The following TRPC1 variants were observed in gnomAD, a reference collection of about 807,000 sequenced individuals.
TRPC1 encodes short transient receptor potential channel 1.
A neutral mutation model predicts 88.2 loss-of-function variants in TRPC1; 42 were observed. The ratio of observed to expected loss-of-function variants is 0.48; its 90% CI spans 0.37 to 0.62. The LOEUF (loss-of-function observed/expected upper bound fraction) is 0.62. Ranked by LOEUF, TRPC1 falls within the 20% of genes least tolerant of loss-of-function variation. The pLI, the probability that TRPC1 is intolerant of heterozygous loss-of-function variation, is 0.00. For synonymous variants in TRPC1, 288 were observed against 331.8 expected, an observed-to-expected ratio of 0.87 and a Z score of 1.43; for missense variants, 699 against 957.3, an observed-to-expected ratio of 0.73 and a Z score of 3.56.
At chr3:142,793,923 G>A in intron 9 of TRPC1, 3 of 984,416 alleles carry the variant, frequency 3.0e-6, no homozygotes, top group Non-Finnish European at 3.6e-6. Flanking sequence ...CTGAAGTGTG[G>A]CTCTCTTAAC....
intron 1 of TRPC1, among the ~76,000 whole-genome samples, chr3:142,731,739 G>A (rs1933927572): frequency 6.6e-6 from 1 of 152,112 alleles, no homozygotes; most frequent in African/African-American, 2.4e-5. Flanking sequence ...GTGGATTGAA[G>A]GGGTGGGGCT....
chr3:142,735,625 T>C (rs1404579215), intron 1 of TRPC1, among the ~76,000 whole-genome samples: 2 of 152,196 alleles, frequency 1.3e-5, no homozygotes, highest in Non-Finnish European at 2.9e-5. Flanking sequence ...TTTCCTCACA[T>C]GGGACAACTG....
chr3:142,762,657 G>C (rs1408917194), intron 4 of TRPC1, among the ~76,000 whole-genome samples: 1 of 151,330 alleles, frequency 6.6e-6, no homozygotes. Flanking sequence ...TCAAACTCCT[G>C]ACCTCAAGTG....
chr3:142,804,693 T>C, intron 12 of TRPC1, 63 bp downstream of exon 12: 1 of 1,484,738 alleles, frequency 6.7e-7, no homozygotes, highest in Non-Finnish European at 9.1e-7. Flanking sequence ...CTCAGATATT[T>C]CTTAAAGCGT....
At chr3:142,746,834 GGCGAA>G in intron 3 of TRPC1, among the ~76,000 whole-genome samples, 1 of 152,062 alleles carries the variant, frequency 6.6e-6, no homozygotes, top group Admixed American at 6.5e-5. Flanking sequence ...CTCCAGCCTG[GGCGAA>G]AGAGCGAGAC....
chr3:142,800,495 C>T (rs1936585989), intron 9 of TRPC1, among the ~76,000 whole-genome samples: 1 of 152,018 alleles, frequency 6.6e-6, no homozygotes, highest in African/African-American at 2.4e-5. Flanking sequence ...TCACTGAAAG[C>T]GGGATGTGCT....
intron 4 of TRPC1, among the ~76,000 whole-genome samples, chr3:142,748,857 CT>C (rs1934649786): frequency 6.6e-6 from 1 of 152,192 alleles, no homozygotes; most frequent in Non-Finnish European, 1.5e-5. Flanking sequence ...ATGCCTCTAT[CT>C]TCCCCTCTCA....
chr3:142,793,486 C>A (rs1936358473), intron 9 of TRPC1, among the ~76,000 whole-genome samples: 1 of 151,888 alleles, frequency 6.6e-6, no homozygotes, highest in South Asian at 2.1e-4. Context: ...CTATGTAGTT[C>A]AGCTTTATAT....
At chr3:142,757,018 C>T (rs1934994643) in intron 4 of TRPC1, among the ~76,000 whole-genome samples, 1 of 152,062 alleles carries the variant, frequency 6.6e-6, no homozygotes, top group African/African-American at 2.4e-5. Flanking sequence ...GCATAATGGC[C>T]TCAGGTTCCA....
chr3:142,777,633 T>C lies in TRPC1; in HGVS notation c.634T>C (p.Phe212Leu). 6.3e-7 allele frequency: 1 copy of C among 1,576,362 alleles called. No homozygotes were observed. Among genetic ancestry groups the C allele is most frequent in the Non-Finnish European group, 8.6e-7 (1 of 1,160,178 alleles). Residue 212 changes from phenylalanine (F) to leucine (L), a missense_variant and splice_region_variant, in exon 5 of 13, where the codon TTT (phenylalanine) becomes CTT (leucine). Around this residue, in one of 4 missense-constraint regions of TRPC1, gnomAD observed 426 missense variants for 641.3 expected, o/e 0.66. Coordinates refer to ENST00000476941, the MANE Select transcript of TRPC1 (RefSeq NM_001251845.2). ...NKKDSLRHSRFRLDIYRCLAS... is the reference protein window; with the variant it reads ...NKKDSLRHSRLRLDIYRCLAS... Reference sequence around the variant, plus strand: ...TTATGGAATCCAATTTTATCACAGGTTTCGTCTTGATATATATCGATGTTT... The same window carrying C: ...TTATGGAATCCAATTTTATCACAGGCTTCGTCTTGATATATATCGATGTTT...
At chr3:142,727,214 G>A (rs1933715497) in intron 1 of TRPC1, among the ~76,000 whole-genome samples, 1 of 152,170 alleles carries the variant, frequency 6.6e-6, no homozygotes, top group Non-Finnish European at 1.5e-5. Context: ...AGCAAGCATG[G>A]TACTTCAGTA....
At chr3:142,725,885 A>G (rs1933653021) in intron 1 of TRPC1, among the ~76,000 whole-genome samples, 1 of 152,214 alleles carries the variant, frequency 6.6e-6, no homozygotes, top group African/African-American at 2.4e-5. Context: ...CAATTGACAT[A>G]TAAACAAAGT....
chr3:142,789,772 G>A (rs897936051), intron 7 of TRPC1, among the ~76,000 whole-genome samples: 2 of 152,096 alleles, frequency 1.3e-5, no homozygotes, highest in Admixed American at 1.3e-4. Context: ...GCCAAAAAAC[G>A]GAAAGTTTTT....
intron 10 of TRPC1, 73 bp downstream of exon 10, chr3:142,802,417 A>G: frequency 9.5e-7 from 1 of 1,050,594 alleles, no homozygotes; most frequent in East Asian, 3.2e-5. Context: ...ATGAATTAGT[A>G]TCTATAGAAA....
chr3:142,777,632 G>A lies in TRPC1; in HGVS notation c.633G>A (p.Arg211=). 2 of 1,574,226 alleles carry A rather than the reference G, an allele frequency of 1.3e-6. No homozygotes were observed. The highest frequency in any genetic ancestry group is 1.7e-6 in the Non-Finnish European group (2 of 1,158,958). ...ATTATGGAATCCAATTTTATCACAG[G>A]TTTCGTCTTGATATATATCGATGTT... ...KNKKDSLRHS[R]FRLDIYRCLA... The change falls in exon 5 of 13, where the codon AGG becomes AGA. Residue 211 remains arginine (R), a splice_region_variant and synonymous_variant. Coordinates refer to ENST00000476941, the MANE Select transcript of TRPC1 (RefSeq NM_001251845.2).
intron 4 of TRPC1, among the ~76,000 whole-genome samples, chr3:142,749,877 A>G (rs989912539): frequency 1.3e-5 from 2 of 152,306 alleles, no homozygotes; most frequent in African/African-American, 4.8e-5. Flanking sequence ...ATATGCAGAA[A>G]ACTGAAACTG....
intron 6 of TRPC1, among the ~76,000 whole-genome samples, chr3:142,782,442 A>G (rs752672332): frequency 5.3e-5 from 8 of 152,328 alleles, no homozygotes; most frequent in East Asian, 3.9e-4. Flanking sequence ...TAGGTTATCA[A>G]TCTTGAATAG....
Position 142,724,061 on chromosome 3 carries a change from T to G in TRPC1, c.-499T>G, listed in dbSNP as rs1424626991. ...CGCTACAGAGGAGCAGAGGATGACG[T>G]GAGGACAGAGTCGCGAACATCTCCT... On this transcript the variant is annotated 5_prime_UTR_variant, in exon 1 of 13. The change abolishes the stop of an existing upstream ORF in the 5' untranslated region. Transcript: ENST00000476941. The surrounding 1 kb of genome is among the most constrained non-coding windows in gnomAD (Gnocchi z 5.6). The G allele has an allele frequency of 6.7e-6, 1 of 148,648 alleles. No individual in the cohort carries two copies. Among genetic ancestry groups the G allele is most frequent in the Non-Finnish European group, 1.5e-5 (1 of 67,522 alleles). The allele number at this position is 148,648 out of a possible 1,614,324, so 9.2% of individuals were successfully genotyped here.
intron 7 of TRPC1, 79 bp from the exon 8 acceptor site, chr3:142,790,940 A>G: frequency 8.6e-7 from 1 of 1,159,766 alleles, no homozygotes; most frequent in Non-Finnish European, 1.1e-6. Flanking sequence ...TTTATTTAAT[A>G]TTTTGAGTCT....
Sources: allele counts gnomAD v4.1 joint callset (sites outside exome capture counted in the v4.1 genomes callset), GRCh38; gene constraint gnomAD v4.1.1; regional missense constraint gnomAD v4.1.1; non-coding constraint Gnocchi (gnomAD v3.1); transcripts MANE v1.5; gene names NCBI Gene and HGNC (gene_info 2026-07-23, HGNC 2026-07-21).